SLC16A10: variants seen among roughly 807,000 people sequenced by gnomAD.
SLC16A10 encodes monocarboxylate transporter 10.
In SLC16A10, 27 loss-of-function variants were observed where a neutral mutation model predicts 40.0. That is an observed-to-expected ratio of 0.67 (90% CI 0.50 to 0.93). The LOEUF is 0.93. Ranked by LOEUF, SLC16A10 falls within the 40% of genes least tolerant of loss-of-function variation. The pLI is 0.00. For missense variants in SLC16A10, 529 were observed against 658.2 expected (o/e 0.80, Z 2.15); for synonymous variants, 213 against 249.8 (o/e 0.85, Z 1.39).
At position 111,225,174 on chromosome 6, in the gene SLC16A10, C is replaced by T. The variant is rs1210205087; in HGVS notation, c.*2939C>T. 1.3e-5 allele frequency: 2 copies of T among 152,198 alleles called. No homozygotes were observed. Among genetic ancestry groups the T allele is most frequent in the East Asian group, 1.9e-4 (1 of 5,200 alleles). The allele number at this position is 152,198 out of a possible 1,614,324, so 9.4% of individuals were successfully genotyped here. The stretch of plus-strand genomic sequence containing the variant: ...GATACTTTATGCAAGATGTGTTCAT[C>T]TCTTTGATCATATTTACAATGCTTA... On this transcript the variant is annotated 3_prime_UTR_variant, in exon 6 of 6. Coordinates refer to ENST00000368851, the MANE Select transcript of SLC16A10 (RefSeq NM_018593.5).
chr6:111,207,955 G>A (rs1453285955), intron 4 of SLC16A10, among the ~76,000 whole-genome samples: 1 of 151,896 alleles, frequency 6.6e-6, no homozygotes, highest in African/African-American at 2.4e-5. Context: ...ACATAAATTG[G>A]GGTGGCGGGG....
intron 3 of SLC16A10, among the ~76,000 whole-genome samples, chr6:111,198,180 G>A (rs930230225): frequency 2.0e-5 from 3 of 152,130 alleles, no homozygotes; most frequent in African/African-American, 4.8e-5. Flanking sequence ...TCAGCTACTC[G>A]GGAGGCTGAG....
intron 1 of SLC16A10, among the ~76,000 whole-genome samples, chr6:111,128,524 C>G (rs1260256995): frequency 6.6e-6 from 1 of 152,172 alleles, no homozygotes; most frequent in Non-Finnish European, 1.5e-5. Context: ...TCAAGACACA[C>G]TGGTTGGTTT....
At chr6:111,154,274 G>T (rs960745442) in intron 1 of SLC16A10, among the ~76,000 whole-genome samples, 4 of 152,078 alleles carry the variant, frequency 2.6e-5, no homozygotes, top group African/African-American at 7.2e-5. Flanking sequence ...ACTTCATTCC[G>T]CAAAGGATTT....
At chr6:111,107,822 G>A (rs999720338) in intron 1 of SLC16A10, among the ~76,000 whole-genome samples, 7 of 152,068 alleles carry the variant, frequency 4.6e-5, no homozygotes, top group Non-Finnish European at 1.0e-4. Flanking sequence ...TGACTTTCTG[G>A]GGAGCCAAAG....
intron 3 of SLC16A10, among the ~76,000 whole-genome samples, chr6:111,192,232 G>A (rs185672027): frequency 7.9e-5 from 12 of 151,860 alleles, no homozygotes; most frequent in Admixed American, 3.3e-4. Context: ...TTTTTCCACC[G>A]GATACCCCAA....
In SLC16A10 at chr6:111,206,621, T is replaced by C. The variant is rs1292672292; in HGVS notation, c.972T>C (p.Asp324=). 3 of 1,614,018 alleles carry C rather than the reference T, an allele frequency of 1.9e-6. No homozygotes were observed. The highest frequency in any genetic ancestry group is 2.5e-6 in the Non-Finnish European group (3 of 1,180,016). Residue 324 remains aspartate, a synonymous_variant, in exon 4 of 6, where the codon GAT becomes GAC. Coordinates refer to ENST00000368851, the MANE Select transcript of SLC16A10 (RefSeq NM_018593.5). ...AACATGTAAATGAAAGATTTCAAGA[T>C]GAAAAAAATAAAGAGGTTGTTCTCA... ...LMKHVNERFQ[D]EKNKEVVLMC... is the part of the protein sequence containing the mutation.
intron 1 of SLC16A10, among the ~76,000 whole-genome samples, chr6:111,096,225 A>G (rs1478004462): frequency 6.6e-6 from 1 of 152,210 alleles, no homozygotes; most frequent in African/African-American, 2.4e-5. Context: ...TCTCCTACTC[A>G]AGTCATCAGA....
At chr6:111,206,972 G>A (rs1773265237) in intron 4 of SLC16A10, among the ~76,000 whole-genome samples, 1 of 152,192 alleles carries the variant, frequency 6.6e-6, no homozygotes. Flanking sequence ...GGGATTACAG[G>A]CGTGTGCCAC....
At chr6:111,131,068 C>T (rs1315069038) in intron 1 of SLC16A10, among the ~76,000 whole-genome samples, 1 of 152,222 alleles carries the variant, frequency 6.6e-6, no homozygotes, top group Non-Finnish European at 1.5e-5. Context: ...TGTTTTCACT[C>T]TATTAAATCT....
intron 1 of SLC16A10, among the ~76,000 whole-genome samples, chr6:111,163,674 G>A (rs1047717198): frequency 6.6e-6 from 1 of 152,036 alleles, no homozygotes; most frequent in Non-Finnish European, 1.5e-5. Context: ...AAAAGTAAGG[G>A]GTCAGAAAAG....
At chr6:111,125,472 A>G (rs1771658895) in intron 1 of SLC16A10, among the ~76,000 whole-genome samples, 1 of 152,180 alleles carries the variant, frequency 6.6e-6, no homozygotes, top group South Asian at 2.1e-4. Flanking sequence ...ATTAAGGCTC[A>G]TTGAAAAACT....
chr6:111,182,260 C>T (rs1772806994), intron 3 of SLC16A10, among the ~76,000 whole-genome samples: 1 of 150,770 alleles, frequency 6.6e-6, no homozygotes, highest in Admixed American at 6.6e-5. Flanking sequence ...CTTGGCCTCC[C>T]AAAATGCTGG....
At chr6:111,156,469 TG>T (rs1279807892) in intron 1 of SLC16A10, among the ~76,000 whole-genome samples, 28 of 152,176 alleles carry the variant, frequency 1.8e-4, no homozygotes. Flanking sequence ...TGGGATGAAA[TG>T]GCACTTTGTG....
chr6:111,094,829 TG>T (rs1360186392), intron 1 of SLC16A10, among the ~76,000 whole-genome samples: 3 of 152,138 alleles, frequency 2.0e-5, no homozygotes, highest in Non-Finnish European at 4.4e-5. Flanking sequence ...TATGTGGAGA[TG>T]GCATCTTGCT....
intron 1 of SLC16A10, among the ~76,000 whole-genome samples, chr6:111,111,644 A>G (rs1000652394): frequency 4.6e-5 from 7 of 152,294 alleles, no homozygotes; most frequent in African/African-American, 7.2e-5. Flanking sequence ...CCTTTAACCA[A>G]CGTCTGCCCA....
chr6:111,088,344 C>T (rs958559282), intron 1 of SLC16A10, among the ~76,000 whole-genome samples: 1 of 152,218 alleles, frequency 6.6e-6, no homozygotes, highest in Non-Finnish European at 1.5e-5. Flanking sequence ...ACTTACTTGC[C>T]GAGATCGTCC....
intron 1 of SLC16A10, among the ~76,000 whole-genome samples, chr6:111,136,542 C>T (rs1032721020): frequency 5.3e-5 from 8 of 152,208 alleles, no homozygotes; most frequent in Non-Finnish European, 1.2e-4. Context: ...CTTGAAGGGC[C>T]AGTGCTGTGA....
At chr6:111,221,561 T>C (rs1770893589) in intron 5 of SLC16A10, among the ~76,000 whole-genome samples, 1 of 151,824 alleles carries the variant, frequency 6.6e-6, no homozygotes, top group Non-Finnish European at 1.5e-5. Context: ...GCCTGGGTAA[T>C]GTGACAAAAC....
Sources: gnomAD v4.1 joint callset for allele counts (sites outside exome capture counted in the v4.1 genomes callset) on GRCh38, gnomAD v4.1.1 for gene constraint, MANE v1.5 for transcripts, NCBI Gene and HGNC (gene_info 2026-07-23, HGNC 2026-07-21) for gene names.